Variants in ARL10 observed in about 807,000 individuals in gnomAD.
ARL10 encodes ARF like GTPase 10.
A neutral mutation model predicts 26.1 loss-of-function variants in ARL10; 23 were observed. The observed-to-expected ratio is 0.88, with a 90% confidence interval of 0.63 to 1.25. ARL10 has a LOEUF of 1.25. Ranked by LOEUF, ARL10 falls within the 50% of genes most tolerant of loss-of-function variation. The pLI is 0.00. For missense variants in ARL10, 300 were observed against 323.6 expected (o/e 0.93, Z 0.56); for synonymous variants, 138 against 149.1 (o/e 0.93, Z 0.54).
intron 1 of ARL10, among the ~76,000 whole-genome samples, chr5:176,394,740 A>C (rs959295742): frequency 6.6e-6 from 1 of 152,082 alleles, no homozygotes; most frequent in Non-Finnish European, 1.5e-5. Context: ...GCTTGAGCCC[A>C]GGAGGCGGAG....
At chr5:176,370,693 A>C (rs1768503348) in intron 3 of ARL10, among the ~76,000 whole-genome samples, 1 of 152,146 alleles carries the variant, frequency 6.6e-6, no homozygotes, top group African/African-American at 2.4e-5. Context: ...AATTTATAGC[A>C]GTTTTGAACC....
the ARL10 span, chr5:176,410,414 C>T: frequency 1.9e-5 from 15 of 775,920 alleles, no homozygotes; most frequent in South Asian, 8.2e-5. Context: ...ATGTATATAT[C>T]GACCCACATG....
At chr5:176,393,025 G>C, downstream of ARL10, 5 of 1,507,542 alleles carry the variant, frequency 3.3e-6, no homozygotes, top group South Asian at 5.8e-5. This position sits in a 1 kb window ranked among gnomAD's most constrained non-coding sequence, Gnocchi z 4.4. Flanking sequence ...GCTTTGCCCA[G>C]CCTACTCTGG....
chr5:176,406,328 T>A, downstream of ARL10: 2 of 1,100,478 alleles, frequency 1.8e-6, no homozygotes, highest in Non-Finnish European at 2.2e-6. Context: ...CTTGTCTCAG[T>A]CTAGCTCCCT....
the ARL10 span, among the ~76,000 whole-genome samples, chr5:176,413,428 G>A: frequency 1.3e-5 from 2 of 152,194 alleles, no homozygotes; most frequent in African/African-American, 4.8e-5. Flanking sequence ...GCTGATGAAT[G>A]GAAACAAAGT....
intron 1 of ARL10, among the ~76,000 whole-genome samples, chr5:176,394,701 G>A (rs546409491): frequency 1.3e-5 from 2 of 152,234 alleles, no homozygotes; most frequent in East Asian, 1.9e-4. Context: ...TGTAGTCCCA[G>A]CTACTCAGGA....
chr5:176,367,992 G>T, intron 2 of ARL10: 1 of 528,498 alleles, frequency 1.9e-6, no homozygotes, highest in Non-Finnish European at 3.8e-6. Context: ...GTAAATATTT[G>T]TTGAGTGCCT....
intron 1 of ARL10, among the ~76,000 whole-genome samples, chr5:176,399,133 C>T (rs564279584): frequency 6.6e-6 from 1 of 152,134 alleles, no homozygotes; most frequent in African/African-American, 2.4e-5. Context: ...CTTGAGCCAC[C>T]GTGACCAGCC....
rs1037771038 is a variant in ARL10 at position 176,378,345 on chromosome 5, T to C, written c.*6450T>C. The C allele has an allele frequency of 1.3e-5, 2 of 152,266 alleles. No individual in the cohort carries two copies. The highest frequency in any genetic ancestry group is 4.8e-5 in the African/African-American group (2 of 41,476). 9.4% of individuals were successfully genotyped at this position (152,266 alleles called of 1,614,324 possible). ...ATATTCAGGTTCAGCTTTCCATGTATGGGCTTCAATCTTATAAGAATTTGT... is the reference window on the plus strand; with the variant it reads ...ATATTCAGGTTCAGCTTTCCATGTACGGGCTTCAATCTTATAAGAATTTGT... On this transcript the variant is annotated 3_prime_UTR_variant, in exon 4 of 4. Coordinates refer to ENST00000310389, the MANE Select transcript of ARL10 (RefSeq NM_173664.6).
downstream of ARL10, chr5:176,406,543 G>A: frequency 1.6e-6 from 2 of 1,274,490 alleles, no homozygotes; most frequent in Non-Finnish European, 2.0e-6. Flanking sequence ...GAGTATTAGG[G>A]GAAAGGAGAG....
intron 1 of ARL10, chr5:176,387,084 T>G: frequency 1.7e-6 from 1 of 587,790 alleles, no homozygotes; most frequent in South Asian, 2.1e-5. Flanking sequence ...CTCTCTTTTT[T>G]TTTTTCTTTT....
Position 176,376,705 on chromosome 5 carries a change from A to G in ARL10, c.*4810A>G, listed in dbSNP as rs1478464953. ...TCTAGGACGTGATCTGCTTCTGGGG[A>G]AAAACTTCCCTGGTTAGCTTTACCT... On this transcript the variant is annotated 3_prime_UTR_variant, in exon 4 of 4. Transcript: ENST00000310389. The G allele has an allele frequency of 6.6e-6, 1 of 152,226 alleles. No individual in the cohort carries two copies. The highest frequency in any genetic ancestry group is 6.5e-5 in the Admixed American group (1 of 15,280). The allele number at this position is 152,226 out of a possible 1,614,324, so 9.4% of individuals were successfully genotyped here.
chr5:176,366,248 TC>T (rs1768295359), intron 1 of ARL10, 131 bp from the exon 2 acceptor site: 1 of 1,082,784 alleles, frequency 9.2e-7, no homozygotes, highest in African/African-American at 1.6e-5. Flanking sequence ...TTCGTCCCAC[TC>T]ATCCAGACCA....
At position 176,365,603 on chromosome 5, in the gene ARL10, G is replaced by T; in HGVS notation, c.40G>T (p.Gly14Cys). The T allele has an allele frequency of 8.0e-7, 1 of 1,254,494 alleles. No individual in the cohort carries two copies. The highest frequency in any genetic ancestry group is 1.0e-6 in the Non-Finnish European group (1 of 1,001,140). The allele number at this position is 1,254,494 out of a possible 1,614,324, so 77.7% of individuals were successfully genotyped here. A position where few individuals can be genotyped will look rare whatever the true frequency, so the allele number is the denominator to read the frequency against. ...RPLGPLVLAL[G>C]GAAAVLGSVL... is the part of the protein sequence containing the mutation. ...GCTGGGCCCCTTGGTGCTGGCGCTG[G>T]GCGGCGCCGCGGCGGTGCTGGGCTC... Residue 14 changes from glycine to cysteine, a missense_variant, in exon 1 of 4, where the codon GGC becomes TGC. Gly to Cys is a radical substitution (Grantham distance 159). Coordinates refer to ENST00000310389, the MANE Select transcript of ARL10 (RefSeq NM_173664.6).
rs752531389 is a variant in ARL10 at position 176,371,730 on chromosome 5, C to G, written c.570C>G (p.Ser190Arg). ...TTCTGTGTCTCACCCAGGACCTGAG[C>G]GAGGCCATGAGTATGGGGGAGCTGC... ...VVVVANKQDL[S>R]EAMSMGELQR... The change falls in exon 4 of 4, where the codon AGC (serine) becomes AGG (arginine). Residue 190 changes from serine (S) to arginine (R), a missense_variant. Ser to Arg is a moderately radical substitution (Grantham distance 110). Coordinates refer to ENST00000310389, the MANE Select transcript of ARL10 (RefSeq NM_173664.6). 5 of 1,613,900 alleles carry G rather than the reference C, an allele frequency of 3.1e-6. No individual in the cohort carries two copies. Among genetic ancestry groups the G allele is most frequent in the Non-Finnish European group, 2.5e-6 (3 of 1,179,912 alleles).
downstream of ARL10, chr5:176,384,304 T>C (rs1431107056): frequency 1.9e-5 from 30 of 1,614,140 alleles, no homozygotes; most frequent in Middle Eastern, 1.6e-4. Flanking sequence ...AAAGCGTTTA[T>C]AGACGTTGAT....
chr5:176,384,833 A>C (rs1012857152), downstream of ARL10: 16 of 433,092 alleles, frequency 3.7e-5, no homozygotes, highest in Middle Eastern at 6.0e-4. Context: ...CCAGCTGAGG[A>C]GCTCATGACC....
At chr5:176,397,833 C>T in intron 1 of ARL10, 1 of 1,473,444 alleles carries the variant, frequency 6.8e-7, no homozygotes. Context: ...CCCAGTCCCA[C>T]ATTAAGGCAT....
rs1005089058 is a variant in ARL10, at chr5:176,377,728, G to A, written c.*5833G>A. ...CACTATCAGTATTTTTTATAATCTG[G>A]ATCATCTTGCTCATTTGTGAGGTGC... is the stretch of plus-strand genomic sequence containing the variant. On this transcript the variant is annotated 3_prime_UTR_variant, in exon 4 of 4. Transcript: ENST00000310389. The surrounding 1 kb of genome is among the most constrained non-coding windows in gnomAD (Gnocchi z 4.5). The A allele has an allele frequency of 6.6e-6, 1 of 152,076 alleles. No homozygotes were observed. Among genetic ancestry groups the A allele is most frequent in the African/African-American group, 2.4e-5 (1 of 41,384 alleles). 9.4% of individuals were successfully genotyped at this position (152,076 alleles called of 1,614,324 possible).
Sources: allele counts gnomAD v4.1 joint callset (sites outside exome capture counted in the v4.1 genomes callset), GRCh38; gene constraint gnomAD v4.1.1; non-coding constraint Gnocchi (gnomAD v3.1); transcripts MANE v1.5; gene names NCBI Gene and HGNC (gene_info 2026-07-23, HGNC 2026-07-21).